ARHGAP24: variants seen among roughly 807,000 people sequenced by gnomAD.
ARHGAP24 encodes Rho GTPase activating protein 24, also known as rho GTPase-activating protein 24.
ARHGAP24 carries 50 observed loss-of-function variants against 76.4 expected under a neutral mutation model. The ratio of observed to expected loss-of-function variants is 0.65; its 90% confidence interval spans 0.52 to 0.83. ARHGAP24 has a LOEUF of 0.83. Ranked by LOEUF, ARHGAP24 falls within the 40% of genes least tolerant of loss-of-function variation. The probability of loss-of-function intolerance (pLI) is 0.00; values close to 1 mark genes in which losing one functional copy is unlikely to be tolerated. For synonymous variants in ARHGAP24, 345 were observed against 323.3 expected (o/e 1.07, Z -0.72); for missense variants, 930 against 914.2 (o/e 1.02, Z -0.22).
At chr4:85,518,314 T>G (rs1259493380) in intron 1 of ARHGAP24, among the ~76,000 whole-genome samples, 1 of 152,064 alleles carries the variant, frequency 6.6e-6, no homozygotes, top group Non-Finnish European at 1.5e-5. Context: ...GGTTTTCTAG[T>G]TAGATGACAT....
intron 2 of ARHGAP24, among the ~76,000 whole-genome samples, chr4:85,582,807 C>T (rs1727671234): frequency 6.6e-6 from 1 of 152,124 alleles, no homozygotes; most frequent in South Asian, 2.1e-4. Context: ...ACATATTTTT[C>T]ACTAAGCTAT....
intron 3 of ARHGAP24, among the ~76,000 whole-genome samples, chr4:85,835,681 T>TTTTG (rs550847702): frequency 6.6e-6 from 1 of 151,812 alleles, no homozygotes; most frequent in South Asian, 2.1e-4. Flanking sequence ...ACGATTTGTA[T>TTTTG]TTTGTTTGTT....
intron 3 of ARHGAP24, among the ~76,000 whole-genome samples, chr4:85,915,033 C>T (rs1735300010): frequency 6.6e-6 from 1 of 152,126 alleles, no homozygotes; most frequent in South Asian, 2.1e-4. Flanking sequence ...AGAAAATGTT[C>T]TACCTTTATT....
At chr4:85,809,457 A>G (rs1430509066) in intron 3 of ARHGAP24, among the ~76,000 whole-genome samples, 1 of 152,200 alleles carries the variant, frequency 6.6e-6, no homozygotes, top group Admixed American at 6.5e-5. Context: ...AATAAGAGAG[A>G]GAATTACCTT....
intron 3 of ARHGAP24, among the ~76,000 whole-genome samples, chr4:85,794,730 C>A (rs1728275370): frequency 6.6e-6 from 1 of 152,242 alleles, no homozygotes; most frequent in African/African-American, 2.4e-5. Context: ...ATCTGCCCAC[C>A]TCTGCCTCCC....
intron 2 of ARHGAP24, among the ~76,000 whole-genome samples, chr4:85,592,386 C>G (rs898332880): frequency 2.6e-5 from 4 of 151,982 alleles, no homozygotes; most frequent in African/African-American, 9.7e-5. Flanking sequence ...TATTTGAGCT[C>G]CTTATATATT....
rs1009420753 is a variant in ARHGAP24 at position 86,001,171 on chromosome 4, G to A, written c.*449G>A. On this transcript the variant is annotated 3_prime_UTR_variant, in exon 10 of 10. Transcript: ENST00000395184. ...TTTTTTGCTGAGGAAATGAAGATAA[G>A]CAAAAATATAAATATATATATAAAT... The A allele has an allele frequency of 5.1e-5, 20 of 392,736 alleles. No individual in the cohort carries two copies. The highest frequency in any genetic ancestry group is 3.7e-4 in the African/African-American group (18 of 48,430). The allele number at this position is 392,736 out of a possible 1,614,324, so 24.3% of individuals were successfully genotyped here. A position where few individuals can be genotyped will look rare whatever the true frequency, so the allele number is the denominator to read the frequency against.
chr4:85,642,972 C>T (rs144168300), intron 2 of ARHGAP24, among the ~76,000 whole-genome samples: 1 of 152,174 alleles, frequency 6.6e-6, no homozygotes, highest in Non-Finnish European at 1.5e-5. Flanking sequence ...CCCTTGATCA[C>T]TCTCCTCAGC....
intron 5 of ARHGAP24, among the ~76,000 whole-genome samples, chr4:85,947,950 A>C (rs1402273302): frequency 1.3e-5 from 2 of 152,198 alleles, no homozygotes; most frequent in African/African-American, 4.8e-5. Flanking sequence ...AAGTATTACA[A>C]ATAGTTTATA....
intron 8 of ARHGAP24, among the ~76,000 whole-genome samples, chr4:85,980,929 A>G (rs1248674801): frequency 6.6e-6 from 1 of 152,206 alleles, no homozygotes; most frequent in African/African-American, 2.4e-5. Flanking sequence ...CTAGCACCAT[A>G]TTCTTCACCA....
At chr4:85,900,572 G>A (rs1382808939) in intron 3 of ARHGAP24, among the ~76,000 whole-genome samples, 2 of 151,800 alleles carry the variant, frequency 1.3e-5, no homozygotes, top group Non-Finnish European at 2.9e-5. Context: ...TTACAGGCAC[G>A]TGCCACCATG....
intron 3 of ARHGAP24, among the ~76,000 whole-genome samples, chr4:85,752,730 T>G (rs1198746743): frequency 6.6e-6 from 1 of 152,204 alleles, no homozygotes; most frequent in Non-Finnish European, 1.5e-5. Flanking sequence ...TTCCTCTCTG[T>G]AAAATTGCAC....
At chr4:85,747,517 C>G (rs1207408523) in intron 3 of ARHGAP24, among the ~76,000 whole-genome samples, 70 of 152,142 alleles carry the variant, frequency 4.6e-4, no homozygotes, top group Admixed American at 4.6e-3. Context: ...TCCTGGCTAA[C>G]GCGGTGAAAC....
At chr4:85,730,601 G>C (rs896078350) in intron 3 of ARHGAP24, among the ~76,000 whole-genome samples, 1 of 151,930 alleles carries the variant, frequency 6.6e-6, no homozygotes, top group Admixed American at 6.6e-5. Flanking sequence ...TAGAGATGAG[G>C]TCTCACTATG....
intron 2 of ARHGAP24, among the ~76,000 whole-genome samples, chr4:85,615,186 G>A (rs765022495): frequency 1.3e-5 from 2 of 151,944 alleles, no homozygotes; most frequent in Non-Finnish European, 2.9e-5. Context: ...GATTTGGGTT[G>A]AACACACAAG....
intron 3 of ARHGAP24, among the ~76,000 whole-genome samples, chr4:85,917,621 G>A (rs1308421607): frequency 6.6e-6 from 1 of 152,220 alleles, no homozygotes; most frequent in Non-Finnish European, 1.5e-5. Context: ...GGTGTGAGAT[G>A]GTATCTCACT....
intron 1 of ARHGAP24, among the ~76,000 whole-genome samples, chr4:85,564,462 A>T (rs567416804): frequency 0.11 from 2,903 of 25,368 alleles, 107 homozygotes; most frequent in African/African-American, 0.2. Flanking sequence ...TAATGGGTGC[A>T]GCACACCAAC....
intron 1 of ARHGAP24, among the ~76,000 whole-genome samples, chr4:85,521,323 C>T (rs1323527013): frequency 1.3e-5 from 2 of 152,112 alleles, no homozygotes; most frequent in Non-Finnish European, 2.9e-5. Flanking sequence ...AAAGGAGGCA[C>T]TGAAAGTTAC....
At chr4:85,930,739 T>G in intron 4 of ARHGAP24, 1 of 1,293,588 alleles carries the variant, frequency 7.7e-7, no homozygotes, top group Non-Finnish European at 9.8e-7. Flanking sequence ...AGTTTTTTTT[T>G]GCTAAACAGG....
Sources: gnomAD v4.1 joint callset for allele counts (sites outside exome capture counted in the v4.1 genomes callset) on GRCh38, gnomAD v4.1.1 for gene constraint, MANE v1.5 for transcripts, NCBI Gene and HGNC (gene_info 2026-07-23, HGNC 2026-07-21) for gene names.